RALGAPA1: variants seen among roughly 807,000 people sequenced by gnomAD.
RALGAPA1 encodes Ral GTPase activating protein catalytic subunit alpha 1.
In RALGAPA1, 52 loss-of-function variants were observed where a neutral mutation model predicts 269.6. The observed-to-expected ratio is 0.19, with a 90% confidence interval of 0.15 to 0.24. The LOEUF (loss-of-function observed/expected upper bound fraction) is 0.24, where lower values mean the gene tolerates loss of function less well. Ranked by LOEUF, RALGAPA1 falls within the 10% of genes least tolerant of loss-of-function variation. The pLI is 1.00. For missense variants in RALGAPA1, 1,917 were observed against 3,013.9 expected, an observed-to-expected ratio of 0.64 and a Z score of 8.52; for synonymous variants, 817 against 1,008.3, an observed-to-expected ratio of 0.81 and a Z score of 3.60.
chr14:35,704,439 A>G (rs989253929), intron 16 of RALGAPA1, among the ~76,000 whole-genome samples: 8 of 152,192 alleles, frequency 5.3e-5, no homozygotes, highest in African/African-American at 1.7e-4. Flanking sequence ...CATGCTTAAT[A>G]TCTTTTAAAT....
chr14:35,788,141 T>G (rs553164177), intron 1 of RALGAPA1, among the ~76,000 whole-genome samples: 1 of 151,754 alleles, frequency 6.6e-6, no homozygotes, highest in South Asian at 2.1e-4. Context: ...CCAGCTCATT[T>G]TTTGTATTTT....
At chr14:35,558,562 G>A (rs2055854085) in intron 39 of RALGAPA1, among the ~76,000 whole-genome samples, 1 of 152,142 alleles carries the variant, frequency 6.6e-6, no homozygotes, top group Non-Finnish European at 1.5e-5. Flanking sequence ...ACTACAGGTG[G>A]TTGCTTATAT....
chr14:35,555,346 T>A (rs1594552877), intron 39 of RALGAPA1, among the ~76,000 whole-genome samples: 1 of 152,220 alleles, frequency 6.6e-6, no homozygotes, highest in East Asian at 1.9e-4. Context: ...GCATGAGAAA[T>A]GAATTTAGTC....
At chr14:35,648,338 C>A (rs1250853439) in intron 31 of RALGAPA1, among the ~76,000 whole-genome samples, 3 of 150,360 alleles carry the variant, frequency 2.0e-5, no homozygotes. Flanking sequence ...TGGTGGCGCA[C>A]GCCTGTAATC....
chr14:35,539,759 C>T, intron 41 of RALGAPA1, 69 bp from the exon 42 acceptor site: 1 of 1,575,558 alleles, frequency 6.3e-7, no homozygotes, highest in Non-Finnish European at 8.6e-7. Flanking sequence ...AATCTTTCTG[C>T]TACTAATCTG....
chr14:35,798,676 T>A (rs893538972), intron 1 of RALGAPA1, among the ~76,000 whole-genome samples: 1 of 152,196 alleles, frequency 6.6e-6, no homozygotes, highest in Non-Finnish European at 1.5e-5. Flanking sequence ...CAGTCCTTCA[T>A]GCAGAAACAA....
chr14:35,748,431 C>A, intron 10 of RALGAPA1, 154 bp downstream of exon 10: 1 of 867,130 alleles, frequency 1.2e-6, no homozygotes, highest in Non-Finnish European at 1.5e-6. Flanking sequence ...CCAAAGTGGC[C>A]TCAAACTCCT....
At chr14:35,755,034 G>C (rs2073048853) in intron 7 of RALGAPA1, among the ~76,000 whole-genome samples, 1 of 152,126 alleles carries the variant, frequency 6.6e-6, no homozygotes, top group South Asian at 2.1e-4. Context: ...ATGGTGGTGT[G>C]AGAATTCAAG....
Position 35,663,630 on chromosome 14 carries a change from C to A in RALGAPA1, c.5328+1012G>T, listed in dbSNP as rs374611495. The stretch of plus-strand genomic sequence containing the variant: ...TTTGAGACGGAGTCTCGCTCTGTTA[C>A]CCAGGCTGGAGTGCAGTGGCGCAAT... On this transcript the variant is annotated intron_variant, in intron 27 of 41. Coordinates refer to ENST00000680220, the MANE Select transcript of RALGAPA1 (RefSeq NM_001346249.2). 7.6e-5 allele frequency among the ~76,000 whole-genome samples: 11 copies of A among 144,648 alleles called. No homozygotes were observed. The South Asian group carries it at 1.5e-3, about 20-fold the overall frequency. The allele number at this position is 144,648 out of a possible 152,430, so 94.9% of individuals were successfully genotyped here.
chr14:35,658,535 T>TG (rs2063343111), intron 28 of RALGAPA1, among the ~76,000 whole-genome samples: 1 of 152,078 alleles, frequency 6.6e-6, no homozygotes, highest in East Asian at 1.9e-4. Flanking sequence ...AATGTTATTT[T>TG]GGGGAAGAGA....
chr14:35,684,794 T>A, intron 20 of RALGAPA1, 135 bp downstream of exon 20: 1 of 863,268 alleles, frequency 1.2e-6, no homozygotes, highest in South Asian at 1.9e-5. Context: ...AATATCTAAT[T>A]TTTTTTTTTC....
chr14:35,776,836 T>C (rs1364236722), intron 1 of RALGAPA1, among the ~76,000 whole-genome samples: 4 of 152,060 alleles, frequency 2.6e-5, no homozygotes, highest in Non-Finnish European at 1.5e-5. Flanking sequence ...AACCTGCACG[T>C]TGTGCACGTG....
chr14:35,599,288 A>G (rs1450744486), intron 36 of RALGAPA1, among the ~76,000 whole-genome samples: 1 of 152,166 alleles, frequency 6.6e-6, no homozygotes, highest in Non-Finnish European at 1.5e-5. Context: ...TGCCTTCCTG[A>G]TGTTTCAAAA....
intron 31 of RALGAPA1, among the ~76,000 whole-genome samples, chr14:35,650,779 AT>A (rs749756276): frequency 2.0e-5 from 3 of 152,320 alleles, no homozygotes; most frequent in East Asian, 1.9e-4. Context: ...AGATTGAGAT[AT>A]GACAAGGGAA....
chr14:35,778,139 C>T (rs538488826), intron 1 of RALGAPA1, among the ~76,000 whole-genome samples: 30 of 152,252 alleles, frequency 2.0e-4, no homozygotes, highest in African/African-American at 7.2e-4. Context: ...CAACTCACTG[C>T]AGCCTCAACC....
At chr14:35,717,714 C>T (rs986930619) in intron 16 of RALGAPA1, among the ~76,000 whole-genome samples, 5 of 151,926 alleles carry the variant, frequency 3.3e-5, no homozygotes, top group Non-Finnish European at 7.4e-5. Context: ...TGTACTACAA[C>T]GGTCAGCTAA....
intron 31 of RALGAPA1, among the ~76,000 whole-genome samples, chr14:35,642,450 CAAAAG>C (rs774043155): frequency 1.3e-5 from 2 of 151,894 alleles, no homozygotes; most frequent in Non-Finnish European, 2.9e-5. Context: ...AGACATTTCT[CAAAAG>C]AAGACATAAA....
chr14:35,742,264 T>C, intron 11 of RALGAPA1, 104 bp downstream of exon 11: 1 of 882,866 alleles, frequency 1.1e-6, no homozygotes, highest in Non-Finnish European at 1.8e-6. Flanking sequence ...GATATCTTTA[T>C]CTTCCCATTT....
At chr14:35,623,479 A>C (rs1225702734) in intron 35 of RALGAPA1, among the ~76,000 whole-genome samples, 1 of 152,166 alleles carries the variant, frequency 6.6e-6, no homozygotes, top group East Asian at 1.9e-4. Context: ...TATGTGGAAA[A>C]TATTAACATC....
Sources: allele counts gnomAD v4.1 joint callset (sites outside exome capture counted in the v4.1 genomes callset), GRCh38; gene constraint gnomAD v4.1.1; transcripts MANE v1.5; gene names NCBI Gene and HGNC (gene_info 2026-07-23, HGNC 2026-07-21).